Variants in SGCZ observed in about 807,000 individuals in gnomAD.
The protein encoded by SGCZ is zeta-sarcoglycan.
In SGCZ, 40 loss-of-function variants were observed where a neutral mutation model predicts 41.3. The observed-to-expected ratio is 0.97, with a 90% confidence interval of 0.75 to 1.26. SGCZ has a LOEUF of 1.26. SGCZ is among the 50% of genes most tolerant of loss of function. SGCZ has a pLI of 0.00. For missense variants in SGCZ, 552 were observed against 369.8 expected (o/e 1.49, Z -4.04); for synonymous variants, 206 against 137.5 (o/e 1.50, Z -3.49).
At chr8:14,914,094 A>G (rs1039037969) in intron 1 of SGCZ, among the ~76,000 whole-genome samples, 10 of 152,164 alleles carry the variant, frequency 6.6e-5, no homozygotes, top group African/African-American at 2.4e-4. Flanking sequence ...AAAAGGTGTG[A>G]GAGATTACTC....
chr8:14,711,435 C>CAAAAAAA (rs543412312), intron 1 of SGCZ, among the ~76,000 whole-genome samples: 1 of 102,984 alleles, frequency 9.7e-6, no homozygotes, highest in African/African-American at 3.6e-5. Context: ...ACTAAAAATA[C>CAAAAAAA]AAAAAAAAAA....
chr8:14,890,898 A>ACTCTG, intron 1 of SGCZ, among the ~76,000 whole-genome samples: 1 of 152,100 alleles, frequency 6.6e-6, no homozygotes, highest in South Asian at 2.1e-4. Flanking sequence ...TGCTAAATCC[A>ACTCTG]CTCTGCCTGT....
At chr8:14,971,428 A>G (rs1801293780) in intron 1 of SGCZ, among the ~76,000 whole-genome samples, 1 of 151,988 alleles carries the variant, frequency 6.6e-6, no homozygotes, top group Non-Finnish European at 1.5e-5. Flanking sequence ...GTTCTCTATC[A>G]TTTTGAGAAA....
intron 2 of SGCZ, among the ~76,000 whole-genome samples, chr8:14,485,133 A>C (rs1042929244): frequency 6.6e-6 from 1 of 152,208 alleles, no homozygotes; most frequent in Admixed American, 6.5e-5. Flanking sequence ...TCTTCTTGTT[A>C]CTTGTTTCAG....
chr8:14,638,957 C>T (rs1202454631), intron 1 of SGCZ, among the ~76,000 whole-genome samples: 1 of 150,490 alleles, frequency 6.6e-6, no homozygotes, highest in Non-Finnish European at 1.5e-5. Context: ...CCTGCACTAA[C>T]AATAATATCC....
intron 1 of SGCZ, among the ~76,000 whole-genome samples, chr8:14,624,715 T>C (rs775691566): frequency 2.3e-4 from 35 of 151,514 alleles, no homozygotes; most frequent in Non-Finnish European, 4.0e-4. Context: ...GCACTACAGA[T>C]GTGCGCCACC....
chr8:14,994,301 G>C (rs1047582690), intron 1 of SGCZ, among the ~76,000 whole-genome samples: 1 of 152,056 alleles, frequency 6.6e-6, no homozygotes, highest in South Asian at 2.1e-4. Flanking sequence ...ATGCATGAGG[G>C]GGCTGGGCAT....
At chr8:14,237,904 A>G (rs1806826516) in intron 3 of SGCZ, among the ~76,000 whole-genome samples, 1 of 152,212 alleles carries the variant, frequency 6.6e-6, no homozygotes, top group Non-Finnish European at 1.5e-5. Flanking sequence ...ACTAACTATC[A>G]GATGCAAGCA....
rs568132808 is a variant in SGCZ at position 15,011,028 on chromosome 8, G to T, written c.39+226557C>A. Among the ~76,000 whole-genome samples the T allele has an allele frequency of 3.3e-5, 5 of 151,856 alleles. 1 individual carries two copies. The South Asian group carries it at 1.0e-3, about 32-fold the overall frequency. On this transcript the variant is annotated intron_variant, in intron 1 of 7. Transcript: ENST00000382080. The stretch of plus-strand genomic sequence containing the variant: ...TTAATGAAGCTGAAAATAATTAAAC[G>T]AAGATTATCAGTTTTTGCAATTTTT...
At chr8:14,155,830 G>A (rs767270282) in intron 5 of SGCZ, among the ~76,000 whole-genome samples, 10 of 152,150 alleles carry the variant, frequency 6.6e-5, no homozygotes, top group African/African-American at 2.4e-4. Context: ...ATCACAGAGT[G>A]TATTTACCAA....
intron 3 of SGCZ, among the ~76,000 whole-genome samples, chr8:14,251,083 C>A (rs778755396): frequency 5.3e-5 from 8 of 152,042 alleles, no homozygotes; most frequent in Non-Finnish European, 1.0e-4. Flanking sequence ...CAAAAATTAG[C>A]CGGGTGCAGT....
chr8:14,858,759 C>A (rs1251376495), intron 1 of SGCZ, among the ~76,000 whole-genome samples: 1 of 151,928 alleles, frequency 6.6e-6, no homozygotes, highest in Non-Finnish European at 1.5e-5. Context: ...TGAATTTTAC[C>A]AATTTTCTAA....
intron 5 of SGCZ, among the ~76,000 whole-genome samples, chr8:14,128,192 TA>T (rs937844467): frequency 9.2e-5 from 14 of 152,126 alleles, no homozygotes; most frequent in African/African-American, 2.7e-4. Flanking sequence ...CTACCACCAT[TA>T]AAAAATGGGC....
At chr8:14,279,800 C>A (rs1800359276) in intron 3 of SGCZ, among the ~76,000 whole-genome samples, 1 of 151,742 alleles carries the variant, frequency 6.6e-6, no homozygotes, top group African/African-American at 2.4e-5. Context: ...TCAGAAAATA[C>A]TCTTATTTAT....
intron 4 of SGCZ, 61 bp downstream of exon 4, chr8:14,237,531 C>T (rs929228732): frequency 1.3e-6 from 2 of 1,490,938 alleles, no homozygotes; most frequent in East Asian, 2.3e-5. Context: ...AACCAAAAAC[C>T]AAAAACAACA....
intron 1 of SGCZ, among the ~76,000 whole-genome samples, chr8:14,838,262 G>C (rs981828506): frequency 7.9e-5 from 12 of 152,000 alleles, no homozygotes; most frequent in African/African-American, 2.9e-4. Flanking sequence ...AGCACAATAG[G>C]ATGACTATAG....
At chr8:15,033,172 T>A in intron 1 of SGCZ, among the ~76,000 whole-genome samples, 1 of 150,604 alleles carries the variant, frequency 6.6e-6, no homozygotes, top group East Asian at 2.0e-4. Context: ...TCTGAATGAA[T>A]CATGTGAACC....
At chr8:14,751,919 G>C (rs1799510122) in intron 1 of SGCZ, among the ~76,000 whole-genome samples, 1 of 149,270 alleles carries the variant, frequency 6.7e-6, no homozygotes, top group Non-Finnish European at 1.5e-5. Flanking sequence ...GCTACAGAGT[G>C]AGACTCCGAC....
chr8:15,077,262 C>A (rs1018421332), intron 1 of SGCZ, among the ~76,000 whole-genome samples: 1 of 152,098 alleles, frequency 6.6e-6, no homozygotes, highest in Admixed American at 6.5e-5. Context: ...AAATATGAAT[C>A]TGACAAGAAA....
Sources: gnomAD v4.1 joint callset for allele counts (sites outside exome capture counted in the v4.1 genomes callset) on GRCh38, gnomAD v4.1.1 for gene constraint, MANE v1.5 for transcripts, NCBI Gene and HGNC (gene_info 2026-07-23, HGNC 2026-07-21) for gene names.